Variants in USP10 observed in about 807,000 individuals in gnomAD.
USP10 encodes ubiquitin specific peptidase 10.
Under a neutral mutation model 84.5 loss-of-function variants are expected in USP10, and 22 were observed. The ratio of observed to expected loss-of-function variants is 0.26; its 90% CI spans 0.19 to 0.37. The LOEUF (loss-of-function observed/expected upper bound fraction) is 0.37. Ranked by LOEUF, USP10 falls within the 10% of genes least tolerant of loss-of-function variation. The pLI, the probability that USP10 is intolerant of heterozygous loss-of-function variation, is 1.00. For synonymous variants in USP10, 454 were observed against 387.6 expected (o/e 1.17, Z -2.01); for missense variants, 1,019 against 998.9 (o/e 1.02, Z -0.27).
chr16:84,733,165 G>A (rs1208183551), intron 1 of USP10: 9 of 522,158 alleles, frequency 1.7e-5, no homozygotes, highest in South Asian at 7.9e-5. Flanking sequence ...AGCAGGACTC[G>A]ACAAGTTTGG....
chr16:84,720,906 T>G (rs887106769), intron 1 of USP10, among the ~76,000 whole-genome samples: 2 of 148,286 alleles, frequency 1.3e-5, no homozygotes, highest in Non-Finnish European at 3.0e-5. Flanking sequence ...TTTTTTTTTT[T>G]TTTTTGGGAA....
At chr16:84,771,454 C>T (rs1213857488) in intron 11 of USP10, among the ~76,000 whole-genome samples, 4 of 152,004 alleles carry the variant, frequency 2.6e-5, no homozygotes, top group Non-Finnish European at 4.4e-5. Flanking sequence ...CTCATCATGC[C>T]ACTGCACTCC....
At chr16:84,732,191 A>G (rs1018125844) in intron 1 of USP10, among the ~76,000 whole-genome samples, 3 of 152,216 alleles carry the variant, frequency 2.0e-5, no homozygotes, top group African/African-American at 7.2e-5. Flanking sequence ...TACAATAATA[A>G]TGAGTATTAT....
At chr16:84,747,932 G>A (rs1489510229) in intron 4 of USP10, among the ~76,000 whole-genome samples, 2 of 151,862 alleles carry the variant, frequency 1.3e-5, no homozygotes, top group South Asian at 4.2e-4. Flanking sequence ...GTAGGTGGAT[G>A]ACAAGGTCAG....
chr16:84,771,007 A>C (rs1567651053), intron 11 of USP10, among the ~76,000 whole-genome samples: 1 of 151,588 alleles, frequency 6.6e-6, no homozygotes, highest in Non-Finnish European at 1.5e-5. Context: ...CAGTGAGCTG[A>C]GATCGCACCA....
At chr16:84,758,613 G>A (rs1912853978) in intron 4 of USP10, 103 bp from the exon 5 acceptor site, 10 of 812,052 alleles carry the variant, frequency 1.2e-5, no homozygotes, top group South Asian at 1.2e-4. Flanking sequence ...GTGTTTTACT[G>A]AAGGGATTTT....
intron 4 of USP10, 48 bp downstream of exon 4, chr16:84,745,721 C>T (rs1911153253): frequency 6.5e-7 from 1 of 1,539,282 alleles, no homozygotes; most frequent in Non-Finnish European, 8.8e-7. Flanking sequence ...GAGCAGACCT[C>T]ATCAACTGGG....
chr16:84,744,605 C>G, intron 3 of USP10, 28 bp from the exon 4 acceptor site: 1 of 1,558,334 alleles, frequency 6.4e-7, no homozygotes. Context: ...GAACTGGGTT[C>G]TTAACTAATA....
rs370488584 is a variant in USP10, at chr16:84,758,835, G to T, written c.1284+28G>T. On this transcript the variant is annotated intron_variant, in intron 5 of 13. Transcript: ENST00000219473. ...ATCCTTCCTGGACGCCGTCCGCAAG[G>T]CCAGCTTGTTGCAGCTGTCCCTCCT... 1.1e-4 allele frequency: 174 copies of T among 1,544,506 alleles called. 1 individual carries two copies. The South Asian group carries it at 1.8e-3, about 16-fold the overall frequency.
At chr16:84,736,723 C>G (rs1567614211) in intron 2 of USP10, among the ~76,000 whole-genome samples, 2 of 152,048 alleles carry the variant, frequency 1.3e-5, no homozygotes, top group African/African-American at 4.8e-5. Flanking sequence ...TGGCAGTGGG[C>G]AGTGTGTGTG....
intron 13 of USP10, among the ~76,000 whole-genome samples, chr16:84,776,796 T>C (rs947652268): frequency 6.6e-6 from 1 of 152,118 alleles, no homozygotes; most frequent in African/African-American, 2.4e-5. Flanking sequence ...TCCCCTGCCC[T>C]CCTGAATCCT....
At position 84,779,108 on chromosome 16, in the gene USP10, C is replaced by T; in HGVS notation, c.*26C>T. The T allele has an allele frequency of 1.9e-6, 3 of 1,595,148 alleles. No individual in the cohort carries two copies. Among genetic ancestry groups the T allele is most frequent in the Non-Finnish European group, 2.6e-6 (3 of 1,165,576 alleles). On this transcript the variant is annotated 3_prime_UTR_variant, in exon 14 of 14. Coordinates refer to ENST00000219473, the MANE Select transcript of USP10 (RefSeq NM_005153.3). ...ACCCTGTGTGCGCTGTGTGTGCGCC[C>T]AGTGCCCGCTTCGTAGGACACCACC...
intron 4 of USP10, among the ~76,000 whole-genome samples, chr16:84,753,180 T>G (rs1264247394): frequency 2.0e-5 from 3 of 152,118 alleles, no homozygotes; most frequent in Non-Finnish European, 4.4e-5. Flanking sequence ...AGAGTCTCAC[T>G]GTGTGGCCCA....
chr16:84,712,252 C>T (rs1164402073), intron 1 of USP10, among the ~76,000 whole-genome samples: 1 of 152,176 alleles, frequency 6.6e-6, no homozygotes, highest in Non-Finnish European at 1.5e-5. Flanking sequence ...TGTACAGAGG[C>T]CCTTGTGGTC....
chr16:84,739,355 T>C (rs1177498703), intron 2 of USP10, among the ~76,000 whole-genome samples: 3 of 152,056 alleles, frequency 2.0e-5, no homozygotes, highest in African/African-American at 7.2e-5. Flanking sequence ...CACTGCAACC[T>C]CCATCCCCCA....
chr16:84,727,817 C>G (rs986875093), intron 1 of USP10, among the ~76,000 whole-genome samples: 10 of 152,244 alleles, frequency 6.6e-5, no homozygotes, highest in Admixed American at 6.5e-4. Context: ...TAGGCATATT[C>G]TCTTAAATAA....
At chr16:84,774,835 CTGTTTT>C (rs1329753088) in intron 12 of USP10, among the ~76,000 whole-genome samples, 2 of 152,174 alleles carry the variant, frequency 1.3e-5, no homozygotes, top group African/African-American at 4.8e-5. Flanking sequence ...TTTTTCACAA[CTGTTTT>C]TGTTTTTAAG....
chr16:84,740,840 C>G (rs768087109), intron 3 of USP10, among the ~76,000 whole-genome samples: 2 of 152,226 alleles, frequency 1.3e-5, no homozygotes, highest in East Asian at 3.8e-4. Flanking sequence ...CAGGTCAACT[C>G]TTCACCTCCT....
At chr16:84,759,187 A>C (rs1912915908) in intron 5 of USP10, 176 bp from the exon 6 acceptor site, 1 of 647,758 alleles carries the variant, frequency 1.5e-6, no homozygotes, top group Non-Finnish European at 2.8e-6. Context: ...TATGGACATC[A>C]CAGGACACTT....
Sources: allele counts gnomAD v4.1 joint callset (sites outside exome capture counted in the v4.1 genomes callset), GRCh38; gene constraint gnomAD v4.1.1; transcripts MANE v1.5; gene names NCBI Gene and HGNC (gene_info 2026-07-23, HGNC 2026-07-21).